Variants in ABR observed in about 807,000 individuals in gnomAD.
ABR encodes the protein ABR activator of RhoGEF and GTPase.
In ABR, 35 loss-of-function variants were observed where a neutral mutation model predicts 107.2. The ratio of observed to expected loss-of-function variants is 0.33; its 90% CI spans 0.25 to 0.43. ABR has a LOEUF of 0.43. Ranked by LOEUF, ABR falls within the 20% of genes least tolerant of loss-of-function variation. The pLI is 1.00. For missense variants in ABR, 815 were observed against 1,115.2 expected, an observed-to-expected ratio of 0.73 and a Z score of 3.83; for synonymous variants, 498 against 462.0, an observed-to-expected ratio of 1.08 and a Z score of -1.00.
intron 5 of ABR, among the ~76,000 whole-genome samples, chr17:1,082,550 G>A (rs1447001890): frequency 2.0e-5 from 3 of 152,152 alleles, no homozygotes; most frequent in Admixed American, 2.0e-4. Context: ...AGGAGCAGAA[G>A]CACGCGTGTT....
intron 1 of ABR, among the ~76,000 whole-genome samples, chr17:1,198,913 G>A (rs1005731053): frequency 8.0e-5 from 12 of 149,624 alleles, no homozygotes; most frequent in South Asian, 6.3e-4. Flanking sequence ...GATTACAGGC[G>A]TGAGCTACCG....
chr17:1,019,065 C>T (rs1294065346), intron 16 of ABR, among the ~76,000 whole-genome samples: 6 of 152,212 alleles, frequency 3.9e-5, no homozygotes, highest in African/African-American at 1.4e-4. Context: ...CATCGGGCCT[C>T]CTGGTGTGTG....
In ABR at chr17:1,046,237, C is replaced by T. The variant is rs2031578636; in HGVS notation, c.1791+3813G>A. ...GCCAGGCGAGTCTCAAACTCCCGAC[C>T]TCCTAATCCGCCCGCCTCGGCCTCC... On this transcript the variant is annotated intron_variant, in intron 16 of 22. Coordinates refer to ENST00000302538, the MANE Select transcript of ABR (RefSeq NM_021962.5). 3.3e-5 allele frequency among the ~76,000 whole-genome samples: 5 copies of T among 151,796 alleles called. No individual in the cohort carries two copies. In the South Asian group the frequency reaches 1.0e-3, roughly 32 times the overall value.
At chr17:1,174,634 T>TTGCTTGGGGTTA (rs890976263) in intron 1 of ABR, among the ~76,000 whole-genome samples, 22 of 152,200 alleles carry the variant, frequency 1.4e-4, no homozygotes, top group African/African-American at 5.3e-4. Flanking sequence ...GTAAGAGAAG[T>TTGCTTGGGGTTA]GAGCTCCAAA....
intron 1 of ABR, among the ~76,000 whole-genome samples, chr17:1,223,251 G>A (rs934161196): frequency 1.5e-4 from 23 of 151,338 alleles, no homozygotes; most frequent in African/African-American, 5.6e-4. Flanking sequence ...GCGGGCACCA[G>A]TAATCTCAGC....
At chr17:1,159,193 C>G (rs1054046569) in intron 1 of ABR, among the ~76,000 whole-genome samples, 1 of 152,226 alleles carries the variant, frequency 6.6e-6, no homozygotes, top group African/African-American at 2.4e-5. Context: ...TACTCATACA[C>G]AAGAGAAGAA....
At chr17:1,188,219 T>C (rs1482288557), upstream of ABR, among the ~76,000 whole-genome samples, 1 of 149,608 alleles carries the variant, frequency 6.7e-6, no homozygotes. Flanking sequence ...AAAAAACAAA[T>C]AAGTAAATAA....
chr17:1,060,302 C>T (rs1402644860), intron 10 of ABR, among the ~76,000 whole-genome samples: 1 of 151,850 alleles, frequency 6.6e-6, no homozygotes, highest in African/African-American at 2.4e-5. Flanking sequence ...CCCAGCTACT[C>T]GGGAGGCTGA....
intron 3 of ABR, among the ~76,000 whole-genome samples, chr17:1,094,434 A>G (rs1469573615): frequency 6.6e-6 from 1 of 150,430 alleles, no homozygotes; most frequent in East Asian, 2.0e-4. Flanking sequence ...GCAATAGTGC[A>G]ATCTCGGCTC....
chr17:1,199,371 G>C (rs929278405), intron 1 of ABR, among the ~76,000 whole-genome samples: 2 of 151,018 alleles, frequency 1.3e-5, no homozygotes, highest in African/African-American at 4.9e-5. Context: ...CCACACGGAA[G>C]GTACAAAACA....
At chr17:1,021,579 GC>G (rs2071643993) in intron 16 of ABR, among the ~76,000 whole-genome samples, 2 of 152,266 alleles carry the variant, frequency 1.3e-5, no homozygotes, top group South Asian at 2.1e-4. Flanking sequence ...GCCGAGGCGG[GC>G]GGATCACAAG....
At chr17:1,123,399 C>G (rs755563836) in intron 2 of ABR, among the ~76,000 whole-genome samples, 1 of 152,220 alleles carries the variant, frequency 6.6e-6, no homozygotes, top group Admixed American at 6.5e-5. Flanking sequence ...GCAAGACGCA[C>G]AGCCACCAAG....
chr17:1,029,817 T>A (rs796378745), intron 16 of ABR, among the ~76,000 whole-genome samples: 1 of 35,448 alleles, frequency 2.8e-5, no homozygotes, highest in Non-Finnish European at 5.7e-5. Context: ...CGCTGACCCG[T>A]GTCCACGACA....
At chr17:1,100,230 G>A (rs2037773603) in intron 3 of ABR, among the ~76,000 whole-genome samples, 1 of 152,138 alleles carries the variant, frequency 6.6e-6, no homozygotes, top group African/African-American at 2.4e-5. Flanking sequence ...GGAGGTAGAA[G>A]GACTTGGACA....
chr17:1,073,655 G>C lies in ABR; in HGVS notation c.723C>G (p.Asp241Glu). 1.2e-6 allele frequency: 2 copies of C among 1,605,960 alleles called. No individual in the cohort carries two copies. The highest frequency in any genetic ancestry group is 1.7e-6 in the Non-Finnish European group (2 of 1,175,232). Reference protein sequence around the residue: ...TMEALLYKPIDRVTRSTLVLH... With the variant: ...TMEALLYKPIERVTRSTLVLH... ...GGACTAGGGTGCTCCGAGTGACCCGGTCAATGGGCTTGTAGAGCAGAGCTG... is the reference window on the plus strand; with the variant it reads ...GGACTAGGGTGCTCCGAGTGACCCGCTCAATGGGCTTGTAGAGCAGAGCTG... Residue 241 changes from aspartate (D) to glutamate (E), a missense_variant, in exon 7 of 23, where the codon GAC becomes GAG. Asp to Glu is a conservative substitution (Grantham distance 45, BLOSUM62 2). This residue lies in a region of ABR where 385 missense variants were observed against 596.9 expected (regional missense o/e 0.64). Transcript: ENST00000302538.
At chr17:1,169,059 A>C (rs1360659490) in intron 1 of ABR, among the ~76,000 whole-genome samples, 3 of 152,182 alleles carry the variant, frequency 2.0e-5, no homozygotes, top group Non-Finnish European at 4.4e-5. Context: ...CAAAGTAACT[A>C]CCAAGGCTTT....
Position 1,027,823 on chromosome 17 carries a change from G to A in ABR, c.1792-14659C>T, listed in dbSNP as rs1028554566. 1.3e-5 allele frequency among the ~76,000 whole-genome samples: 2 copies of A among 151,780 alleles called. No individual in the cohort carries two copies. The highest frequency in any genetic ancestry group is 2.4e-5 in the African/African-American group (1 of 41,294). ...AAACAAGGAAGGGCGGTGGGCAGCC[G>A]GGCCAGGCCAGACTTCTATTGCAGA... On this transcript the variant is annotated intron_variant, in intron 16 of 22. Coordinates refer to ENST00000302538, the MANE Select transcript of ABR (RefSeq NM_021962.5). This position sits in a 1 kb window ranked among gnomAD's most constrained non-coding sequence, Gnocchi z 4.7.
Position 1,037,465 on chromosome 17 carries a change from C to T in ABR, c.1791+12585G>A, listed in dbSNP as rs745287. On this transcript the variant is annotated intron_variant, in intron 16 of 22. Transcript: ENST00000302538. The surrounding 1 kb of genome is among the most constrained non-coding windows in gnomAD (Gnocchi z 4.6). ...CTTGTCTGCTGCAGGAGAAGTGTCC[C>T]GACAGCCCGTCCCTGGCAAACCCTA... Among the ~76,000 whole-genome samples, 512 of 152,300 alleles carry T rather than the reference C, an allele frequency of 3.4e-3. 17 individuals are homozygous for T. The East Asian group carries it at 0.067, about 20-fold the overall frequency.
chr17:1,113,188 C>G (rs1339867733), intron 2 of ABR, among the ~76,000 whole-genome samples: 1 of 151,102 alleles, frequency 6.6e-6, no homozygotes, highest in Admixed American at 6.6e-5. Flanking sequence ...AAGGGAGGGG[C>G]AAGGCCGTAC....
Sources: gnomAD v4.1 joint callset for allele counts (sites outside exome capture counted in the v4.1 genomes callset) on GRCh38, gnomAD v4.1.1 for gene constraint, gnomAD v4.1.1 regional missense constraint, Gnocchi (gnomAD v3.1) non-coding constraint, MANE v1.5 for transcripts, NCBI Gene and HGNC (gene_info 2026-07-23, HGNC 2026-07-21) for gene names.